The following BAZ2B variants were observed in gnomAD, a reference collection of about 807,000 sequenced individuals.
The protein encoded by BAZ2B is bromodomain adjacent to zinc finger domain 2B, also known as bromodomain adjacent to zinc finger domain protein 2B.
In BAZ2B, 91 loss-of-function variants were observed where a neutral mutation model predicts 246.0. The observed-to-expected ratio is 0.37, with a 90% confidence interval of 0.31 to 0.44. The LOEUF (loss-of-function observed/expected upper bound fraction) is 0.44. Ranked by LOEUF, BAZ2B falls within the 20% of genes least tolerant of loss-of-function variation. The pLI is 1.00. For missense variants in BAZ2B, 2,332 were observed against 2,533.7 expected (o/e 0.92, Z 1.71); for synonymous variants, 855 against 860.0 (o/e 0.99, Z 0.10).
At chr2:159,467,581 G>T (rs1370244505) in intron 3 of BAZ2B, among the ~76,000 whole-genome samples, 1 of 152,200 alleles carries the variant, frequency 6.6e-6, no homozygotes, top group Non-Finnish European at 1.5e-5. Flanking sequence ...GTCTAGGAAA[G>T]ATGATATTTG....
At chr2:159,521,900 G>A (rs1231962977) in intron 2 of BAZ2B, among the ~76,000 whole-genome samples, 1 of 151,936 alleles carries the variant, frequency 6.6e-6, no homozygotes, top group African/African-American at 2.4e-5. Context: ...TGCAAGGCGA[G>A]TGCTTACTTA....
chr2:159,631,833 A>G, the BAZ2B span, among the ~76,000 whole-genome samples: 1 of 152,222 alleles, frequency 6.6e-6, no homozygotes, highest in Non-Finnish European at 1.5e-5. Context: ...AAATGTTGGT[A>G]AGAAACCAAA....
At chr2:159,701,424 T>C in the BAZ2B span, among the ~76,000 whole-genome samples, 217 of 151,944 alleles carry the variant, frequency 1.4e-3, 2 homozygotes, top group Middle Eastern at 6.8e-3. Context: ...TTCTTAAGCA[T>C]TGAGGATCTG....
Position 159,374,683 on chromosome 2 carries a change from G to C in BAZ2B, c.4068+8C>G, listed in dbSNP as rs1576278381. 1 of 1,607,668 alleles carries C rather than the reference G, an allele frequency of 6.2e-7. No homozygotes were observed. The highest frequency in any genetic ancestry group is 1.1e-5 in the South Asian group (1 of 90,898). ...AAGAAGTTAAATGTTAATCAGAAAA[G>C]TGCTTACTTTACTCAGTTTTTCAAT... On this transcript the variant is annotated splice_region_variant and intron_variant, in intron 26 of 36. Coordinates refer to ENST00000392783, the MANE Select transcript of BAZ2B (RefSeq NM_013450.4).
chr2:159,483,224 GTCTC>G (rs1406698425), intron 2 of BAZ2B, among the ~76,000 whole-genome samples: 1 of 151,948 alleles, frequency 6.6e-6, no homozygotes, highest in Admixed American at 6.6e-5. Context: ...TGAGAACAAG[GTCTC>G]TCTCTGTCAC....
chr2:159,669,952 T>C, the BAZ2B span, among the ~76,000 whole-genome samples: 1 of 151,992 alleles, frequency 6.6e-6, no homozygotes, highest in South Asian at 2.1e-4. Context: ...GTTGTTGCAG[T>C]AGTTCCTGTT....
At chr2:159,457,709 C>T (rs1364430642) in intron 3 of BAZ2B, among the ~76,000 whole-genome samples, 2 of 152,158 alleles carry the variant, frequency 1.3e-5, no homozygotes, top group Admixed American at 6.5e-5. Flanking sequence ...TTTCACATTT[C>T]CATTCCCTTA....
chr2:159,690,836 A>G, the BAZ2B span, among the ~76,000 whole-genome samples: 2 of 151,476 alleles, frequency 1.3e-5, no homozygotes, highest in African/African-American at 4.8e-5. Context: ...GCAAATAGAG[A>G]TAGTTTTATT....
chr2:159,503,365 T>C (rs1174641246), intron 2 of BAZ2B, among the ~76,000 whole-genome samples: 2 of 152,142 alleles, frequency 1.3e-5, no homozygotes, highest in African/African-American at 2.4e-5. Flanking sequence ...TAGTGCATGA[T>C]GTTTGTTCTC....
At chr2:159,550,132 C>A (rs2087972884) in intron 2 of BAZ2B, among the ~76,000 whole-genome samples, 1 of 152,178 alleles carries the variant, frequency 6.6e-6, no homozygotes, top group African/African-American at 2.4e-5. Context: ...GCGTGAGCCA[C>A]CGCATCCGGC....
At chr2:159,525,780 C>T (rs898975195) in intron 2 of BAZ2B, among the ~76,000 whole-genome samples, 1 of 151,984 alleles carries the variant, frequency 6.6e-6, no homozygotes, top group African/African-American at 2.4e-5. Context: ...GTACAAAGGA[C>T]ATATGTAAAA....
At chr2:159,627,022 A>G in the BAZ2B span, among the ~76,000 whole-genome samples, 1 of 152,216 alleles carries the variant, frequency 6.6e-6, no homozygotes. Context: ...AACTACCATC[A>G]GAGAACACTA....
At chr2:159,676,951 GTT>G in the BAZ2B span, among the ~76,000 whole-genome samples, 1 of 24,416 alleles carries the variant, frequency 4.1e-5, no homozygotes, top group Admixed American at 5.6e-4. Context: ...AAATAGTTTT[GTT>G]ATATATATAT....
rs753305304 is a variant in BAZ2B at position 159,453,693 on chromosome 2, C to A, written c.254G>T (p.Gly85Val). 3 of 1,613,446 alleles carry A rather than the reference C, an allele frequency of 1.9e-6. No homozygotes were observed. Among genetic ancestry groups the A allele is most frequent in the Non-Finnish European group, 2.5e-6 (3 of 1,179,782 alleles). ...CCCCAAACCACCAAATTCTGAATGC[C>A]CTGAGCTGGCTGAATGTAGACCAAA... is the stretch of plus-strand genomic sequence containing the variant. ...PVFGLHSASSGHSEFGGLGTL... is the reference protein window; with the variant it reads ...PVFGLHSASSVHSEFGGLGTL... The change falls in exon 4 of 37, where the codon GGG becomes GTG. Residue 85 changes from glycine to valine, a missense_variant. By Grantham distance (109) the Gly-to-Val change is moderately radical (BLOSUM62 -3). Coordinates refer to ENST00000392783, the MANE Select transcript of BAZ2B (RefSeq NM_013450.4).
chr2:159,675,887 AC>A, the BAZ2B span, among the ~76,000 whole-genome samples: 1 of 146,474 alleles, frequency 6.8e-6, no homozygotes, highest in African/African-American at 2.5e-5. Flanking sequence ...ATACAGGCGC[AC>A]CCCCTACGTT....
intron 2 of BAZ2B, among the ~76,000 whole-genome samples, chr2:159,491,477 T>C (rs1156748100): frequency 6.6e-6 from 1 of 151,638 alleles, no homozygotes; most frequent in African/African-American, 2.4e-5. Context: ...TCCCAGCACT[T>C]TGGGAGGCCG....
At chr2:159,332,394 A>T in intron 34 of BAZ2B, 146 bp downstream of exon 34, 1 of 743,150 alleles carries the variant, frequency 1.3e-6, no homozygotes, top group South Asian at 2.3e-5. Context: ...GATTGAGGCC[A>T]GAGGATAGCT....
At chr2:159,353,602 A>T (rs1367263538) in intron 27 of BAZ2B, among the ~76,000 whole-genome samples, 1 of 152,196 alleles carries the variant, frequency 6.6e-6, no homozygotes, top group African/African-American at 2.4e-5. Context: ...CCCCTCGAGT[A>T]TTTAGCTAAA....
chr2:159,423,863 C>T (rs191971430), intron 13 of BAZ2B, among the ~76,000 whole-genome samples: 22 of 152,156 alleles, frequency 1.4e-4, no homozygotes, highest in South Asian at 4.2e-4. Flanking sequence ...ACTACTTGAG[C>T]GGGGAAAGTG....
Sources: gnomAD v4.1 joint callset for allele counts (sites outside exome capture counted in the v4.1 genomes callset) on GRCh38, gnomAD v4.1.1 for gene constraint, MANE v1.5 for transcripts, NCBI Gene and HGNC (gene_info 2026-07-23, HGNC 2026-07-21) for gene names.